The following LRIG3 variants were observed in gnomAD, a reference collection of about 807,000 sequenced individuals.
The protein encoded by LRIG3 is leucine rich repeats and immunoglobulin like domains 3, also known as leucine-rich repeats and immunoglobulin-like domains protein 3.
LRIG3 carries 76 observed loss-of-function variants against 114.5 expected under a neutral mutation model. The observed-to-expected ratio is 0.66, with a 90% confidence interval of 0.55 to 0.80. The LOEUF (loss-of-function observed/expected upper bound fraction) is 0.80, where lower values mean the gene tolerates loss of function less well. Ranked by LOEUF, LRIG3 falls within the 30% of genes least tolerant of loss-of-function variation. The pLI, the probability that LRIG3 is intolerant of heterozygous loss-of-function variation, is 0.00. For missense variants in LRIG3, 1,239 were observed against 1,382.8 expected, an observed-to-expected ratio of 0.90 and a Z score of 1.65; for synonymous variants, 512 against 519.8, an observed-to-expected ratio of 0.98 and a Z score of 0.20.
In LRIG3 at chr12:58,894,155, C is replaced by G. The variant is rs1016925845; in HGVS notation, c.384-3359G>C. Among the ~76,000 whole-genome samples the G allele has an allele frequency of 1.1e-4, 17 of 152,290 alleles. 1 individual carries two copies. Among genetic ancestry groups the G allele is most frequent in the Admixed American group, 7.8e-4 (12 of 15,296 alleles). On this transcript the variant is annotated intron_variant, in intron 3 of 18. Transcript: ENST00000320743. The stretch of plus-strand genomic sequence containing the variant: ...ATTTTCCTTGCAGTAAAAGTATGCT[C>G]CAGCCAAAGCCAGCAATTTCCTGAA...
At chr12:58,900,839 T>C (rs1871819977) in intron 3 of LRIG3, among the ~76,000 whole-genome samples, 1 of 152,218 alleles carries the variant, frequency 6.6e-6, no homozygotes, top group Admixed American at 6.5e-5. Context: ...ATTTATCTTG[T>C]CCTTGTGAAT....
chr12:58,901,858 G>A (rs1326417546), intron 3 of LRIG3, among the ~76,000 whole-genome samples: 1 of 152,180 alleles, frequency 6.6e-6, no homozygotes, highest in Non-Finnish European at 1.5e-5. Context: ...CCAAGAATGA[G>A]CTTTCGTTCT....
intron 9 of LRIG3, among the ~76,000 whole-genome samples, chr12:58,886,527 T>C (rs1277973569): frequency 1.3e-5 from 2 of 151,972 alleles, no homozygotes; most frequent in African/African-American, 2.4e-5. Flanking sequence ...CAATGATAAT[T>C]CCAAAAGTGT....
chr12:58,920,013 A>G lies in LRIG3; in HGVS notation c.223T>C (p.Trp75Arg). ...LARLPEPLPS[W>R]VARLDLSHNR... ...AAGAATACTTACAGCCGAGCGACCC[A>G]GGACGGGAGTGGCTCGGGAAGACGC... The change falls in exon 1 of 19, where the codon TGG becomes CGG. Residue 75 changes from tryptophan to arginine, a missense_variant. Transcript: ENST00000320743. 5 of 1,553,606 alleles carry G rather than the reference A, an allele frequency of 3.2e-6. No individual in the cohort carries two copies. The highest frequency in any genetic ancestry group is 3.5e-6 in the Non-Finnish European group (4 of 1,148,566).
chr12:58,916,033 A>C (rs1236131454), intron 1 of LRIG3, among the ~76,000 whole-genome samples: 1 of 152,224 alleles, frequency 6.6e-6, no homozygotes, highest in African/African-American at 2.4e-5. Context: ...GCAATCTGGC[A>C]TTAATATTTA....
chr12:58,894,711 A>G (rs544841680), intron 3 of LRIG3, among the ~76,000 whole-genome samples: 3 of 152,262 alleles, frequency 2.0e-5, no homozygotes, highest in Non-Finnish European at 4.4e-5. Context: ...CAACGCTTGA[A>G]CAAAAACAAA....
chr12:58,876,350 T>C, intron 16 of LRIG3, 95 bp downstream of exon 16: 1 of 1,360,812 alleles, frequency 7.3e-7, no homozygotes, highest in Non-Finnish European at 1.0e-6. Flanking sequence ...TAAATGTCAG[T>C]GTTATCAATG....
At chr12:58,905,429 T>C (rs996520701) in intron 3 of LRIG3, among the ~76,000 whole-genome samples, 13 of 152,222 alleles carry the variant, frequency 8.5e-5, no homozygotes, top group African/African-American at 2.9e-4. Flanking sequence ...CTTATCATAT[T>C]AAGACGTTTA....
intron 10 of LRIG3, 25 bp downstream of exon 10, chr12:58,885,806 G>C: frequency 6.7e-7 from 1 of 1,498,182 alleles, no homozygotes; most frequent in Non-Finnish European, 9.1e-7. Context: ...TTCTCTTTTA[G>C]GGTAACTAAA....
Position 58,872,548 on chromosome 12 carries a change from G to A in LRIG3, c.*24C>T, listed in dbSNP as rs1870771218. On this transcript the variant is annotated 3_prime_UTR_variant, in exon 19 of 19. Coordinates refer to ENST00000320743, the MANE Select transcript of LRIG3 (RefSeq NM_153377.5). ...AAGTTCACTTGAGGTAGTATGTTAA[G>A]CTTTTCCTTTGGTCTCATTCAGTCT... The A allele has an allele frequency of 6.4e-7, 1 of 1,566,372 alleles. No homozygotes were observed. Among genetic ancestry groups the A allele is most frequent in the African/African-American group, 1.4e-5 (1 of 73,150 alleles).
intron 3 of LRIG3, among the ~76,000 whole-genome samples, chr12:58,897,242 AG>A (rs1364922825): frequency 6.6e-6 from 1 of 152,238 alleles, no homozygotes; most frequent in African/African-American, 2.4e-5. Flanking sequence ...TTCTTGATGA[AG>A]AATTAAGGAC....
At chr12:58,891,170 C>T (rs1014105581) in intron 3 of LRIG3, among the ~76,000 whole-genome samples, 4 of 152,022 alleles carry the variant, frequency 2.6e-5, no homozygotes, top group Non-Finnish European at 5.9e-5. Context: ...GGCTACAGCG[C>T]AGTGGCACAC....
intron 3 of LRIG3, among the ~76,000 whole-genome samples, chr12:58,898,838 T>C (rs550165948): frequency 6.6e-6 from 1 of 151,864 alleles, no homozygotes; most frequent in South Asian, 2.1e-4. Context: ...TTTGTATTTT[T>C]AGTAGAGATG....
At position 58,910,894 on chromosome 12, in the gene LRIG3, G is replaced by A. The variant is rs963037486; in HGVS notation, c.383+3088C>T. ...GCTCGAGCAGGTCATTCCACACCACGCAAAGCCAGAGTTCATACATTCAGA... is the reference window on the plus strand; with the variant it reads ...GCTCGAGCAGGTCATTCCACACCACACAAAGCCAGAGTTCATACATTCAGA... On this transcript the variant is annotated intron_variant, in intron 3 of 18. Coordinates refer to ENST00000320743, the MANE Select transcript of LRIG3 (RefSeq NM_153377.5). 3.9e-4 allele frequency among the ~76,000 whole-genome samples: 59 copies of A among 152,258 alleles called. 1 individual carries two copies. The highest frequency in any genetic ancestry group is 1.3e-3 in the African/African-American group (55 of 41,546).
chr12:58,881,093 T>A (rs187655675), intron 12 of LRIG3, among the ~76,000 whole-genome samples, 192 bp from the exon 13 acceptor site: 2 of 152,304 alleles, frequency 1.3e-5, no homozygotes, highest in Admixed American at 1.3e-4. Flanking sequence ...AACTCATTCA[T>A]CTCGAATACA....
chr12:58,883,426 G>T, intron 11 of LRIG3, 94 bp downstream of exon 11: 1 of 785,126 alleles, frequency 1.3e-6, no homozygotes, highest in Non-Finnish European at 1.9e-6. Context: ...AATGTGCCAG[G>T]CACTTTTTAT....
chr12:58,900,727 T>C (rs1488518671), intron 3 of LRIG3, among the ~76,000 whole-genome samples: 1 of 152,244 alleles, frequency 6.6e-6, no homozygotes, highest in African/African-American at 2.4e-5. Context: ...GTTGATTCCA[T>C]ATAAACACAT....
In LRIG3 at chr12:58,914,384, A is replaced by G. The variant is rs143484407; in HGVS notation, c.237-48T>C. The G allele has an allele frequency of 1.1e-5, 15 of 1,404,928 alleles. No homozygotes were observed. In the African/African-American group the frequency reaches 1.6e-4, roughly 15 times the overall value. 87.0% of individuals were successfully genotyped at this position (1,404,928 alleles called of 1,614,324 possible). ...TTATAAGTCATTTCTAAAAATCACT[A>G]ATAGTGCTAACTGGGCTTATGAAGT... On this transcript the variant is annotated intron_variant, in intron 1 of 18. Coordinates refer to ENST00000320743, the MANE Select transcript of LRIG3 (RefSeq NM_153377.5).
chr12:58,875,588 A>G (rs1307290069), intron 16 of LRIG3, among the ~76,000 whole-genome samples: 4 of 152,146 alleles, frequency 2.6e-5, no homozygotes, highest in African/African-American at 9.7e-5. Flanking sequence ...TTCCATCTTC[A>G]TTTCATTTGC....
Sources: allele counts gnomAD v4.1 joint callset (sites outside exome capture counted in the v4.1 genomes callset), GRCh38; gene constraint gnomAD v4.1.1; transcripts MANE v1.5; gene names NCBI Gene and HGNC (gene_info 2026-07-23, HGNC 2026-07-21).